Variants in OSBPL8 observed in about 807,000 individuals in gnomAD.
OSBPL8 encodes oxysterol-binding protein-related protein 8.
In OSBPL8, 59 loss-of-function variants were observed where a neutral mutation model predicts 125.5. The observed-to-expected ratio is 0.47, with a 90% confidence interval of 0.38 to 0.58. The LOEUF is 0.58. Ranked by LOEUF, OSBPL8 falls within the 20% of genes least tolerant of loss-of-function variation. OSBPL8 has a pLI of 0.00. For missense variants in OSBPL8, 758 were observed against 1,047.8 expected (o/e 0.72, Z 3.82); for synonymous variants, 330 against 338.9 (o/e 0.97, Z 0.29).
At chr12:76,445,720 C>T (rs1430442697) in intron 4 of OSBPL8, among the ~76,000 whole-genome samples, 1 of 152,040 alleles carries the variant, frequency 6.6e-6, no homozygotes, top group Admixed American at 6.6e-5. Flanking sequence ...GGATGTAGAG[C>T]CACTGGACAG....
chr12:76,352,008 T>G lies in OSBPL8; in HGVS notation c.*3881A>C, dbSNP rs1951840108. Reference sequence around the variant, plus strand: ...AAAAGAATTTGACAGTGTGCTGTACTTACACTGCAGGTAACATATTTTTAT... The same window carrying G: ...AAAAGAATTTGACAGTGTGCTGTACGTACACTGCAGGTAACATATTTTTAT... On this transcript the variant is annotated 3_prime_UTR_variant, in exon 24 of 24. Transcript: ENST00000261183. 6.6e-6 allele frequency: 1 copy of G among 152,290 alleles called. No homozygotes were observed. Among genetic ancestry groups the G allele is most frequent in the African/African-American group, 2.4e-5 (1 of 41,466 alleles). 9.4% of individuals were successfully genotyped at this position (152,290 alleles called of 1,614,324 possible). A position where few individuals can be genotyped will look rare whatever the true frequency, so the allele number is the denominator to read the frequency against.
intron 12 of OSBPL8, among the ~76,000 whole-genome samples, chr12:76,388,537 T>C (rs1953418652): frequency 6.6e-6 from 1 of 152,208 alleles, no homozygotes; most frequent in Admixed American, 6.5e-5. Flanking sequence ...CCGACAAAAG[T>C]GCAGAAGATA....
rs940389042 is a variant in OSBPL8, at chr12:76,354,702, T to C, written c.*1187A>G. On this transcript the variant is annotated 3_prime_UTR_variant, in exon 24 of 24. Transcript: ENST00000261183. ...AACTGAAGAAACAAACAAAAAAATT[T>C]GCCTTAGCCTGAACAATAGGAATCT... 1 of 151,946 alleles carries C rather than the reference T, an allele frequency of 6.6e-6. No homozygotes were observed. Among genetic ancestry groups the C allele is most frequent in the African/African-American group, 2.4e-5 (1 of 41,434 alleles). 9.4% of individuals were successfully genotyped at this position (151,946 alleles called of 1,614,324 possible).
chr12:76,538,983 A>C (rs774729058), intron 1 of OSBPL8, among the ~76,000 whole-genome samples: 20 of 147,542 alleles, frequency 1.4e-4, no homozygotes, highest in Non-Finnish European at 2.8e-4. Context: ...AACTTCGAGG[A>C]TGAAGTTCAA....
chr12:76,510,899 T>C (rs868768837), intron 1 of OSBPL8, among the ~76,000 whole-genome samples: 1 of 130,568 alleles, frequency 7.7e-6, no homozygotes, highest in African/African-American at 2.6e-5. Context: ...AAAAAAAAAA[T>C]ATATTTACCT....
intron 1 of OSBPL8, among the ~76,000 whole-genome samples, chr12:76,531,908 G>A (rs1950349035): frequency 6.6e-6 from 1 of 151,774 alleles, no homozygotes; most frequent in Non-Finnish European, 1.5e-5. Context: ...ATGGTGGTGG[G>A]CACCTGTAGT....
intron 12 of OSBPL8, 33 bp downstream of exon 12, chr12:76,389,612 A>C (rs1293650032): frequency 1.4e-6 from 2 of 1,434,206 alleles, no homozygotes; most frequent in Admixed American, 2.4e-5. Flanking sequence ...ATCATGAAGT[A>C]TTGTCTATTT....
chr12:76,444,884 G>C (rs149819008), intron 4 of OSBPL8, among the ~76,000 whole-genome samples: 224 of 152,266 alleles, frequency 1.5e-3, no homozygotes, highest in Non-Finnish European at 2.7e-3. Flanking sequence ...TTGAGAATGA[G>C]AGGGACATAA....
chr12:76,383,064 C>G (rs929021731), intron 15 of OSBPL8, among the ~76,000 whole-genome samples: 6 of 151,992 alleles, frequency 3.9e-5, no homozygotes. Flanking sequence ...ATATGTTTAC[C>G]AATTCTGACG....
At position 76,464,458 on chromosome 12, in the gene OSBPL8, T is replaced by G. The variant is rs533629726; in HGVS notation, c.43-4563A>C. ...AAAGTATTTAAAAGCATGAAATATT[T>G]ATAGCCATTACCCAAATATTTACTA... On this transcript the variant is annotated intron_variant, in intron 2 of 23. Coordinates refer to ENST00000261183, the MANE Select transcript of OSBPL8 (RefSeq NM_020841.5). 8.8e-4 allele frequency among the ~76,000 whole-genome samples: 134 copies of G among 152,360 alleles called. 1 individual carries two copies. Among genetic ancestry groups the G allele is most frequent in the African/African-American group, 3.2e-3 (131 of 41,582 alleles).
At chr12:76,397,145 T>C (rs1055920759) in intron 8 of OSBPL8, among the ~76,000 whole-genome samples, 4 of 152,012 alleles carry the variant, frequency 2.6e-5, no homozygotes, top group Non-Finnish European at 5.9e-5. Flanking sequence ...TAAAAAACAT[T>C]AATGCTTCAT....
At chr12:76,544,322 C>T (rs1950725857) in intron 1 of OSBPL8, among the ~76,000 whole-genome samples, 1 of 152,136 alleles carries the variant, frequency 6.6e-6, no homozygotes, top group South Asian at 2.1e-4. Flanking sequence ...GAAAGACTTG[C>T]CACCTTTTCC....
At chr12:76,479,774 A>G (rs569976351) in intron 2 of OSBPL8, among the ~76,000 whole-genome samples, 1 of 152,350 alleles carries the variant, frequency 6.6e-6, no homozygotes, top group South Asian at 2.1e-4. Flanking sequence ...TTTTTTCAAT[A>G]AATTGAAAGG....
intron 1 of OSBPL8, among the ~76,000 whole-genome samples, chr12:76,501,973 G>T (rs1042548970): frequency 6.6e-6 from 1 of 152,234 alleles, no homozygotes; most frequent in Admixed American, 6.5e-5. Flanking sequence ...TTTGGAAGAA[G>T]AAACTCATTT....
chr12:76,415,019 T>C (rs1868456498), intron 4 of OSBPL8, among the ~76,000 whole-genome samples: 1 of 152,190 alleles, frequency 6.6e-6, no homozygotes, highest in Non-Finnish European at 1.5e-5. Flanking sequence ...TAAGGAGTGT[T>C]GTAATCCATA....
At chr12:76,356,792 C>T (rs1220448556) in intron 22 of OSBPL8, 64 bp from the exon 23 acceptor site, 1 of 1,124,420 alleles carries the variant, frequency 8.9e-7, no homozygotes, top group Non-Finnish European at 1.3e-6. Context: ...TTTAATGTGT[C>T]TCATGTAATA....
intron 4 of OSBPL8, among the ~76,000 whole-genome samples, chr12:76,425,314 C>G (rs1329330382): frequency 1.3e-5 from 2 of 152,112 alleles, no homozygotes; most frequent in Non-Finnish European, 2.9e-5. Context: ...TAGAATTAAG[C>G]CTAATGTACT....
rs557583278 is a variant in OSBPL8 at position 76,370,391 on chromosome 12, A to G, written c.2055-569T>C. ...GTTTAACAGAAAAGACTACTGAGGT[A>G]AAATGATTTCCCCTACTAGTTCTTT... On this transcript the variant is annotated intron_variant, in intron 19 of 23. Transcript: ENST00000261183. Among the ~76,000 whole-genome samples the G allele has an allele frequency of 5.3e-5, 8 of 152,306 alleles. No homozygotes were observed. In the South Asian group the frequency reaches 1.7e-3, roughly 32 times the overall value.
chr12:76,431,295 GA>G (rs71311106), intron 4 of OSBPL8, among the ~76,000 whole-genome samples: 303 of 140,444 alleles, frequency 2.2e-3, no homozygotes, highest in South Asian at 0.019. Flanking sequence ...GCCAAAAAAA[GA>G]AAAAAAAACA....
Sources: allele counts gnomAD v4.1 joint callset (sites outside exome capture counted in the v4.1 genomes callset), GRCh38; gene constraint gnomAD v4.1.1; transcripts MANE v1.5; gene names NCBI Gene and HGNC (gene_info 2026-07-23, HGNC 2026-07-21).